Variants in CDK5RAP2 observed in about 807,000 individuals in gnomAD.
The protein encoded by CDK5RAP2 is CDK5 regulatory subunit associated protein 2, also known as CDK5 regulatory subunit-associated protein 2.
A neutral mutation model predicts 232.9 loss-of-function variants in CDK5RAP2; 147 were observed. That is an observed-to-expected ratio of 0.63 (90% CI 0.55 to 0.72). The LOEUF (loss-of-function observed/expected upper bound fraction) is 0.72. CDK5RAP2 is among the 30% of genes least tolerant of loss of function. The pLI, the probability that CDK5RAP2 is intolerant of heterozygous loss-of-function variation, is 0.00. For synonymous variants in CDK5RAP2, 833 were observed against 833.7 expected (o/e 1.00, Z 0.01); for missense variants, 2,195 against 2,231.5 (o/e 0.98, Z 0.33).
rs919217310 is a variant in CDK5RAP2, at chr9:120,485,356, A to G, written c.1626+1938T>C. Reference sequence around the variant, plus strand: ...TGTTGCCAGGCTGGAGTGCAGTGGCACGATCTCAGCTCACTGCAACCTCCG... The same window carrying G: ...TGTTGCCAGGCTGGAGTGCAGTGGCGCGATCTCAGCTCACTGCAACCTCCG... On this transcript the variant is annotated intron_variant, in intron 14 of 37. Transcript: ENST00000349780. 5.0e-5 allele frequency among the ~76,000 whole-genome samples: 7 copies of G among 140,630 alleles called. 1 individual carries two copies. Among genetic ancestry groups the G allele is most frequent in the African/African-American group, 8.2e-5 (3 of 36,616 alleles). 92.3% of individuals were successfully genotyped at this position (140,630 alleles called of 152,430 possible). A position where few individuals can be genotyped will look rare whatever the true frequency, so the allele number is the denominator to read the frequency against.
intron 37 of CDK5RAP2, 28 bp downstream of exon 37, chr9:120,389,713 C>A: frequency 6.2e-7 from 1 of 1,609,406 alleles, no homozygotes; most frequent in East Asian, 2.2e-5. Flanking sequence ...TTCCACTGGC[C>A]TGCAGTGAAA....
intron 7 of CDK5RAP2, among the ~76,000 whole-genome samples, chr9:120,534,944 C>T (rs1284481835): frequency 6.6e-6 from 1 of 152,206 alleles, no homozygotes; most frequent in African/African-American, 2.4e-5. Flanking sequence ...AGTCTAGTGG[C>T]TCCATGGGTG....
intron 2 of CDK5RAP2, among the ~76,000 whole-genome samples, chr9:120,570,996 A>C (rs2042834592): frequency 6.6e-6 from 1 of 152,162 alleles, no homozygotes; most frequent in African/African-American, 2.4e-5. Context: ...ACCGTCCTGC[A>C]AAAAATACAA....
chr9:120,477,720 G>A (rs1210533991), intron 14 of CDK5RAP2, among the ~76,000 whole-genome samples: 2 of 152,130 alleles, frequency 1.3e-5, no homozygotes, highest in African/African-American at 4.8e-5. Flanking sequence ...CACCAGCTAT[G>A]GGATTAGCCC....
At chr9:120,461,548 T>A (rs1396956044) in intron 18 of CDK5RAP2, among the ~76,000 whole-genome samples, 1 of 152,146 alleles carries the variant, frequency 6.6e-6, no homozygotes, top group Non-Finnish European at 1.5e-5. Flanking sequence ...ATCTGACCAA[T>A]AAAAGAGTCT....
chr9:120,544,705 G>A (rs116246056), intron 5 of CDK5RAP2, among the ~76,000 whole-genome samples: 2,542 of 152,288 alleles, frequency 0.017, 67 homozygotes, highest in African/African-American at 0.058. Flanking sequence ...TAGGATCCTC[G>A]GTGAGGCAAC....
chr9:120,416,780 T>A (rs1164940895), intron 27 of CDK5RAP2, among the ~76,000 whole-genome samples: 1 of 152,244 alleles, frequency 6.6e-6, no homozygotes, highest in Non-Finnish European at 1.5e-5. Context: ...TAGGGTATAC[T>A]CAGTATATCT....
chr9:120,524,297 T>G (rs1428330636), intron 11 of CDK5RAP2, among the ~76,000 whole-genome samples: 1 of 152,204 alleles, frequency 6.6e-6, no homozygotes, highest in Non-Finnish European at 1.5e-5. Context: ...CTCTGCCACT[T>G]GCTAACTGTG....
At chr9:120,440,482 C>T (rs190667588) in intron 23 of CDK5RAP2, 21 of 169,144 alleles carry the variant, frequency 1.2e-4, no homozygotes, top group Admixed American at 1.1e-3. Context: ...ACCTAATGAA[C>T]TCTTTCCATA....
intron 22 of CDK5RAP2, among the ~76,000 whole-genome samples, chr9:120,446,927 C>T (rs923578035): frequency 3.3e-5 from 5 of 152,146 alleles, no homozygotes; most frequent in Non-Finnish European, 5.9e-5. Context: ...TTCTTTTCCA[C>T]GGCATTTATT....
chr9:120,520,730 A>C (rs750355537), intron 11 of CDK5RAP2, among the ~76,000 whole-genome samples: 1 of 151,118 alleles, frequency 6.6e-6, no homozygotes, highest in African/African-American at 2.4e-5. Flanking sequence ...GATATATCAT[A>C]TATGTATCAT....
chr9:120,433,531 G>A (rs1055065318), intron 25 of CDK5RAP2, among the ~76,000 whole-genome samples: 5 of 152,158 alleles, frequency 3.3e-5, no homozygotes, highest in South Asian at 2.1e-4. Flanking sequence ...CACAGCTTAC[G>A]AGTGGGAAAC....
Position 120,579,800 on chromosome 9 carries a change from C to T in CDK5RAP2, c.59+120G>A, listed in dbSNP as rs77761844. 1.0e-3 allele frequency: 799 copies of T among 797,584 alleles called. 6 individuals are homozygous for T. In the African/African-American group the frequency reaches 0.012, roughly 12 times the overall value. 49.4% of individuals were successfully genotyped at this position (797,584 alleles called of 1,614,324 possible). ...CAGAGACCCTCTCCGAAGGAACCCACCCCACACACTGCCCCTGGCCAGACA... is the reference window on the plus strand; with the variant it reads ...CAGAGACCCTCTCCGAAGGAACCCATCCCACACACTGCCCCTGGCCAGACA... On this transcript the variant is annotated intron_variant, in intron 1 of 37. Transcript: ENST00000349780.
intron 12 of CDK5RAP2, among the ~76,000 whole-genome samples, chr9:120,492,612 C>T (rs2038963345): frequency 6.6e-6 from 1 of 151,996 alleles, no homozygotes; most frequent in Non-Finnish European, 1.5e-5. Context: ...ACTGGTTAAC[C>T]AAACAGACAG....
intron 12 of CDK5RAP2, among the ~76,000 whole-genome samples, chr9:120,512,200 T>A (rs772361953): frequency 2.0e-4 from 31 of 152,158 alleles, no homozygotes; most frequent in Middle Eastern, 3.2e-3. Context: ...ATTTAACAAA[T>A]TAGCCAGGTG....
At chr9:120,467,828 A>T in intron 18 of CDK5RAP2, 32 bp downstream of exon 18, 1 of 1,611,314 alleles carries the variant, frequency 6.2e-7, no homozygotes, top group Non-Finnish European at 8.5e-7. Context: ...ATATTTTTGT[A>T]ATCAGCACAT....
At chr9:120,511,343 G>A (rs1034415812) in intron 12 of CDK5RAP2, among the ~76,000 whole-genome samples, 8 of 152,180 alleles carry the variant, frequency 5.3e-5, no homozygotes, top group African/African-American at 1.9e-4. Flanking sequence ...GTAAAACAGG[G>A]CTGCAGCATT....
At chr9:120,407,467 T>G (rs1266553653) in intron 31 of CDK5RAP2, 12 of 583,192 alleles carry the variant, frequency 2.1e-5, no homozygotes, top group Non-Finnish European at 3.7e-5. Flanking sequence ...AAATTAATTT[T>G]CGCTTCTGGC....
intron 25 of CDK5RAP2, among the ~76,000 whole-genome samples, chr9:120,425,224 TCAA>T (rs750622519): frequency 1.1e-4 from 16 of 152,260 alleles, no homozygotes; most frequent in African/African-American, 2.9e-4. Flanking sequence ...TTGCAACAAC[TCAA>T]CAACAACTGT....
Sources: gnomAD v4.1 joint callset for allele counts (sites outside exome capture counted in the v4.1 genomes callset) on GRCh38, gnomAD v4.1.1 for gene constraint, MANE v1.5 for transcripts, NCBI Gene and HGNC (gene_info 2026-07-23, HGNC 2026-07-21) for gene names.